The following PDZRN4 variants were observed in gnomAD, a reference collection of about 807,000 sequenced individuals.
The protein encoded by PDZRN4 is PDZ domain containing ring finger 4.
In PDZRN4, 70 loss-of-function variants were observed where a neutral mutation model predicts 99.0. The observed-to-expected ratio is 0.71, with a 90% CI of 0.58 to 0.86. PDZRN4 has a LOEUF of 0.86. PDZRN4 is among the 40% of genes least tolerant of loss of function. The pLI is 0.00. For missense variants in PDZRN4, 1,474 were observed against 1,331.2 expected (o/e 1.11, Z -1.67); for synonymous variants, 551 against 501.6 (o/e 1.10, Z -1.32).
At chr12:41,356,822 G>A (rs1951930946) in intron 3 of PDZRN4, among the ~76,000 whole-genome samples, 1 of 151,928 alleles carries the variant, frequency 6.6e-6, no homozygotes, top group African/African-American at 2.4e-5. Context: ...GGAAGAATGA[G>A]TAACAAGTGG....
At chr12:41,509,260 G>GA (rs1004902719) in intron 4 of PDZRN4, among the ~76,000 whole-genome samples, 2 of 152,072 alleles carry the variant, frequency 1.3e-5, no homozygotes, top group African/African-American at 4.8e-5. Context: ...TCAAAGAGGG[G>GA]AAAATGTGCA....
chr12:41,258,249 T>C (rs1159522492), intron 3 of PDZRN4, among the ~76,000 whole-genome samples: 5 of 152,212 alleles, frequency 3.3e-5, no homozygotes, highest in Non-Finnish European at 5.9e-5. Flanking sequence ...TCTTCTAGTA[T>C]CCAAAGGAAA....
chr12:41,323,106 C>T (rs1159061099), intron 3 of PDZRN4, among the ~76,000 whole-genome samples: 1 of 152,092 alleles, frequency 6.6e-6, no homozygotes, highest in Non-Finnish European at 1.5e-5. Context: ...TTAGGACTTT[C>T]TGGATCTTAT....
At chr12:41,507,216 A>G (rs946828767) in intron 4 of PDZRN4, among the ~76,000 whole-genome samples, 5 of 152,156 alleles carry the variant, frequency 3.3e-5, no homozygotes, top group Admixed American at 3.3e-4. Flanking sequence ...CTTACCCAAT[A>G]TATTGAGATA....
At chr12:41,473,102 A>T (rs2730806) in intron 3 of PDZRN4, among the ~76,000 whole-genome samples, 82,742 of 151,338 alleles carry the variant, frequency 0.55, 23,698 homozygotes, top group African/African-American at 0.74. Flanking sequence ...GTTTTGTTTT[A>T]TTTTTTAAGT....
intron 3 of PDZRN4, among the ~76,000 whole-genome samples, chr12:41,459,652 C>A (rs1040955476): frequency 1.3e-5 from 2 of 152,126 alleles, no homozygotes; most frequent in African/African-American, 2.4e-5. Flanking sequence ...GACTTATATA[C>A]CCCAAGATTC....
intron 3 of PDZRN4, among the ~76,000 whole-genome samples, chr12:41,489,991 A>G (rs1325140618): frequency 6.6e-6 from 1 of 151,542 alleles, no homozygotes; most frequent in Non-Finnish European, 1.5e-5. Context: ...ACAGTGATTA[A>G]TTAACTGATC....
intron 3 of PDZRN4, among the ~76,000 whole-genome samples, chr12:41,444,409 C>T (rs936894459): frequency 6.6e-6 from 1 of 152,060 alleles, no homozygotes; most frequent in Non-Finnish European, 1.5e-5. Context: ...TATTGGGCCT[C>T]ACAGTTCCCT....
At chr12:41,489,413 C>T (rs924130205) in intron 3 of PDZRN4, among the ~76,000 whole-genome samples, 5 of 152,088 alleles carry the variant, frequency 3.3e-5, no homozygotes, top group African/African-American at 1.2e-4. Flanking sequence ...AAGGTTCTAG[C>T]AATATTCAAC....
chr12:41,420,696 C>T (rs372734770), intron 3 of PDZRN4, among the ~76,000 whole-genome samples: 1 of 152,146 alleles, frequency 6.6e-6, no homozygotes, highest in African/African-American at 2.4e-5. Context: ...GACCCTTCAT[C>T]TTTTGACTTA....
chr12:41,521,179 C>T (rs895003555), intron 5 of PDZRN4, among the ~76,000 whole-genome samples: 1 of 152,070 alleles, frequency 6.6e-6, no homozygotes, highest in Non-Finnish European at 1.5e-5. Flanking sequence ...CAGATATTCT[C>T]TTTTCATATT....
chr12:41,525,706 A>T (rs933711909), intron 5 of PDZRN4, among the ~76,000 whole-genome samples: 2 of 152,166 alleles, frequency 1.3e-5, no homozygotes, highest in Admixed American at 1.3e-4. Flanking sequence ...GAAGAAAGGA[A>T]AAAATGGAAA....
chr12:41,520,573 A>C (rs1223081025), intron 5 of PDZRN4, among the ~76,000 whole-genome samples: 2 of 151,302 alleles, frequency 1.3e-5, no homozygotes, highest in African/African-American at 4.9e-5. Flanking sequence ...TTGTAGTTTA[A>C]ATTTGAAATT....
intron 3 of PDZRN4, among the ~76,000 whole-genome samples, chr12:41,473,896 T>G (rs1308427393): frequency 6.6e-6 from 1 of 152,222 alleles, no homozygotes; most frequent in Non-Finnish European, 1.5e-5. Flanking sequence ...TAGGAAAGTC[T>G]TTGAGAATCA....
intron 3 of PDZRN4, 84 bp downstream of exon 3, chr12:41,194,272 G>C: frequency 1.4e-6 from 1 of 711,888 alleles, no homozygotes; most frequent in Non-Finnish European, 2.5e-6. Flanking sequence ...CTTTACCTTG[G>C]TGTGGTGCTT....
chr12:41,561,330 C>A (rs1462979931), intron 7 of PDZRN4, among the ~76,000 whole-genome samples: 1 of 151,924 alleles, frequency 6.6e-6, no homozygotes, highest in Non-Finnish European at 1.5e-5. Flanking sequence ...GTAATAACAA[C>A]AATAACAATA....
chr12:41,403,755 C>T (rs1427197288), intron 3 of PDZRN4, among the ~76,000 whole-genome samples: 10 of 152,064 alleles, frequency 6.6e-5, no homozygotes, highest in Admixed American at 6.6e-4. Flanking sequence ...AAATTTTATT[C>T]AATACTAGCA....
intron 3 of PDZRN4, among the ~76,000 whole-genome samples, chr12:41,370,599 T>C (rs986678119): frequency 2.6e-5 from 4 of 152,000 alleles, no homozygotes; most frequent in African/African-American, 9.6e-5. Context: ...CAATGAGGAA[T>C]CTTATGTTTA....
chr12:41,338,092 T>C (rs75535198), intron 3 of PDZRN4, among the ~76,000 whole-genome samples: 2 of 152,226 alleles, frequency 1.3e-5, no homozygotes, highest in African/African-American at 4.8e-5. Context: ...CTTGCTAATA[T>C]GGTCTAGATG....
Sources: gnomAD v4.1 joint callset for allele counts (sites outside exome capture counted in the v4.1 genomes callset) on GRCh38, gnomAD v4.1.1 for gene constraint, MANE v1.5 for transcripts, NCBI Gene and HGNC (gene_info 2026-07-23, HGNC 2026-07-21) for gene names.